Variants in RAD51B observed in about 807,000 individuals in gnomAD.
The protein encoded by RAD51B is DNA repair protein RAD51 homolog 2.
Under a neutral mutation model 42.2 loss-of-function variants are expected in RAD51B, and 38 were observed. That is an observed-to-expected ratio of 0.90 (90% confidence interval 0.70 to 1.18). The LOEUF is 1.18. Ranked by LOEUF, RAD51B falls within the 50% of genes most tolerant of loss-of-function variation. RAD51B has a pLI of 0.00. For synonymous variants in RAD51B, 154 were observed against 145.2 expected (o/e 1.06, Z -0.43); for missense variants, 373 against 400.7 (o/e 0.93, Z 0.59).
At chr14:68,550,861 G>T (rs1313027521) in intron 10 of RAD51B, among the ~76,000 whole-genome samples, 1 of 152,114 alleles carries the variant, frequency 6.6e-6, no homozygotes, top group Admixed American at 6.5e-5. Context: ...TCCAGAGAAG[G>T]AGTTGCTTCC....
chr14:68,369,731 A>G (rs1410050427), intron 8 of RAD51B, among the ~76,000 whole-genome samples: 2 of 152,240 alleles, frequency 1.3e-5, no homozygotes, highest in African/African-American at 2.4e-5. Context: ...TGGACTAATC[A>G]TAATGACTAG....
At chr14:68,109,418 A>T (rs1043311217) in intron 7 of RAD51B, among the ~76,000 whole-genome samples, 1 of 151,994 alleles carries the variant, frequency 6.6e-6, no homozygotes, top group African/African-American at 2.4e-5. Context: ...GCCTGGTGCT[A>T]ATGAGATGTG....
At chr14:68,099,370 G>A (rs370327944) in intron 7 of RAD51B, among the ~76,000 whole-genome samples, 3 of 152,312 alleles carry the variant, frequency 2.0e-5, no homozygotes, top group South Asian at 4.1e-4. Context: ...ATTAGATATA[G>A]ATACTACTGA....
intron 7 of RAD51B, among the ~76,000 whole-genome samples, chr14:68,105,167 T>C (rs986402368): frequency 6.6e-6 from 1 of 151,774 alleles, no homozygotes; most frequent in Non-Finnish European, 1.5e-5. Flanking sequence ...TATTCGGAGA[T>C]AGCAATATCT....
At chr14:68,055,264 A>T (rs1371891663) in intron 7 of RAD51B, among the ~76,000 whole-genome samples, 3 of 152,214 alleles carry the variant, frequency 2.0e-5, no homozygotes, top group African/African-American at 4.8e-5. Flanking sequence ...TGTTCAGTAT[A>T]GCTAATTTTG....
chr14:68,431,697 A>G lies in RAD51B; in HGVS notation c.957+20170A>G, dbSNP rs1322982730. 4.6e-5 allele frequency among the ~76,000 whole-genome samples: 7 copies of G among 152,144 alleles called. No homozygotes were observed. The East Asian group carries it at 1.2e-3, about 25-fold the overall frequency. On this transcript the variant is annotated intron_variant, in intron 9 of 10. Transcript: ENST00000471583. The stretch of plus-strand genomic sequence containing the variant: ...ATCAATTTTGTTGATCTTTTCAAAA[A>G]ACCAGCTCCTGGATTCATTGATTTT...
chr14:67,911,475 T>C (rs1229832465), intron 7 of RAD51B, among the ~76,000 whole-genome samples: 1 of 152,130 alleles, frequency 6.6e-6, no homozygotes, highest in Non-Finnish European at 1.5e-5. Flanking sequence ...TCTGGAGTTG[T>C]TGTTTGTTTT....
chr14:68,337,799 TCTCA>T (rs2082487478), intron 8 of RAD51B, among the ~76,000 whole-genome samples: 1 of 152,160 alleles, frequency 6.6e-6, no homozygotes, highest in African/African-American at 2.4e-5. Flanking sequence ...TTTGACAGGA[TCTCA>T]CTCTGTCCCC....
chr14:68,300,164 G>T (rs939709389), intron 8 of RAD51B, among the ~76,000 whole-genome samples: 2 of 152,178 alleles, frequency 1.3e-5, no homozygotes. Flanking sequence ...AGTTTGTTAA[G>T]TAGGACTGTG....
intron 10 of RAD51B, among the ~76,000 whole-genome samples, chr14:68,587,081 G>A (rs909270516): frequency 1.3e-5 from 2 of 152,134 alleles, no homozygotes; most frequent in Non-Finnish European, 2.9e-5. Context: ...AGCAGCCAGG[G>A]ATCCTGCTCT....
At chr14:67,840,583 CA>C (rs2041392986) in intron 4 of RAD51B, among the ~76,000 whole-genome samples, 1 of 152,160 alleles carries the variant, frequency 6.6e-6, no homozygotes, top group Non-Finnish European at 1.5e-5. Context: ...GATACTGTGG[CA>C]GTGAACATAC....
intron 7 of RAD51B, among the ~76,000 whole-genome samples, chr14:67,913,093 CTGTT>C (rs527269391): frequency 1.5e-3 from 222 of 152,304 alleles, no homozygotes; most frequent in Middle Eastern, 3.4e-3. Flanking sequence ...AAATCTTTGA[CTGTT>C]TGTCTTCATA....
chr14:68,312,314 A>G (rs1474543241), intron 8 of RAD51B, among the ~76,000 whole-genome samples: 1 of 152,236 alleles, frequency 6.6e-6, no homozygotes, highest in African/African-American at 2.4e-5. Context: ...AGCAGAATGT[A>G]TAACGGATCC....
At chr14:68,335,309 A>G (rs1164036353) in intron 8 of RAD51B, among the ~76,000 whole-genome samples, 14 of 143,726 alleles carry the variant, frequency 9.7e-5, no homozygotes, top group Admixed American at 2.2e-4. Context: ...AAAAAAAAAA[A>G]AAAAGAAAAG....
At position 68,477,855 on chromosome 14, in the gene RAD51B, T is replaced by A; in HGVS notation, c.*191T>A. The stretch of plus-strand genomic sequence containing the variant: ...TCAGACCTAGCAGGGAAGGTGAAGA[T>A]GAAGAAGCCTTTGTTCAGGTCTCTA... On this transcript the variant is annotated 3_prime_UTR_variant, in exon 11 of 11. Transcript: ENST00000471583. 2 of 1,428,872 alleles carry A rather than the reference T, an allele frequency of 1.4e-6. No homozygotes were observed. The highest frequency in any genetic ancestry group is 3.0e-5 in the Admixed American group (1 of 33,470). The allele number at this position is 1,428,872 out of a possible 1,614,324, so 88.5% of individuals were successfully genotyped here.
intron 9 of RAD51B, among the ~76,000 whole-genome samples, chr14:68,446,955 G>A (rs1030659889): frequency 6.6e-6 from 1 of 152,182 alleles, no homozygotes; most frequent in Non-Finnish European, 1.5e-5. Flanking sequence ...GGTGGCTCAT[G>A]CCTGTAATCC....
chr14:68,174,818 C>G (rs1474525131), intron 7 of RAD51B, among the ~76,000 whole-genome samples: 2 of 152,122 alleles, frequency 1.3e-5, no homozygotes, highest in East Asian at 3.9e-4. Context: ...TTAATGGAAG[C>G]CTCATGTTGA....
intron 10 of RAD51B, among the ~76,000 whole-genome samples, chr14:68,640,517 T>C (rs1309106189): frequency 6.6e-6 from 1 of 152,178 alleles, no homozygotes; most frequent in Non-Finnish European, 1.5e-5. Context: ...TTACTAGGTG[T>C]TGGGGACTCA....
At chr14:67,870,924 C>T (rs954830602) in intron 5 of RAD51B, among the ~76,000 whole-genome samples, 7 of 134,418 alleles carry the variant, frequency 5.2e-5, no homozygotes, top group East Asian at 2.0e-4. Flanking sequence ...ATCTCTGGGA[C>T]GCATTTAAAG....
Sources: gnomAD v4.1 joint callset for allele counts (sites outside exome capture counted in the v4.1 genomes callset) on GRCh38, gnomAD v4.1.1 for gene constraint, MANE v1.5 for transcripts, NCBI Gene and HGNC (gene_info 2026-07-23, HGNC 2026-07-21) for gene names.